The following MCU variants were observed in gnomAD, a reference collection of about 807,000 sequenced individuals.
The protein encoded by MCU is mitochondrial calcium uniporter, also known as calcium uniporter protein, mitochondrial.
Under a neutral mutation model 45.2 loss-of-function variants are expected in MCU, and 12 were observed. The ratio of observed to expected loss-of-function variants is 0.27; its 90% confidence interval spans 0.17 to 0.43. The LOEUF is 0.43. Among genes scored for constraint, MCU ranks in the 20% least tolerant of loss-of-function variants. MCU has a pLI of 1.00. For synonymous variants in MCU, 160 were observed against 165.1 expected (o/e 0.97, Z 0.24); for missense variants, 324 against 436.7 (o/e 0.74, Z 2.30).
chr10:72,717,876 A>G (rs1842973646), intron 1 of MCU, among the ~76,000 whole-genome samples: 1 of 152,230 alleles, frequency 6.6e-6, no homozygotes, highest in African/African-American at 2.4e-5. Context: ...GACTTTTAAA[A>G]ATAAATTTTA....
At chr10:72,836,795 A>G (rs1844961992) in intron 2 of MCU, among the ~76,000 whole-genome samples, 1 of 152,196 alleles carries the variant, frequency 6.6e-6, no homozygotes, top group South Asian at 2.1e-4. Flanking sequence ...TCCTTATTAT[A>G]TATCTTTCTA....
chr10:72,800,749 C>A (rs2132780408), intron 1 of MCU, among the ~76,000 whole-genome samples: 2 of 152,260 alleles, frequency 1.3e-5, no homozygotes, highest in South Asian at 4.1e-4. Flanking sequence ...TCTTTTTTAA[C>A]CTTGCCGTCA....
intron 1 of MCU, among the ~76,000 whole-genome samples, chr10:72,785,683 G>A (rs1383671357): frequency 6.6e-6 from 1 of 152,150 alleles, no homozygotes. Flanking sequence ...CACTTCATCT[G>A]TAACTTGTAT....
At chr10:72,694,244 A>C (rs1343306295) in intron 1 of MCU, among the ~76,000 whole-genome samples, 1 of 152,200 alleles carries the variant, frequency 6.6e-6, no homozygotes, top group Admixed American at 6.5e-5. Context: ...ATTCTTCTGA[A>C]GCCATCATGT....
chr10:72,780,511 AGTGTGTGTGTGTGTGTGTGTGTGT>A, intron 1 of MCU, among the ~76,000 whole-genome samples: 1 of 110,658 alleles, frequency 9.0e-6, no homozygotes, highest in Non-Finnish European at 1.8e-5. Context: ...TCTTTGGCTA[AGTGTGTGTGTGTGTGTGTGTGTGT>A]GTGTGTGTGT....
chr10:72,883,545 A>C (rs892772326), intron 6 of MCU, among the ~76,000 whole-genome samples: 1 of 152,298 alleles, frequency 6.6e-6, no homozygotes, highest in Middle Eastern at 3.4e-3. Flanking sequence ...GAAACTGTTT[A>C]TCATCACTGC....
chr10:72,698,266 A>G (rs901611060), intron 1 of MCU, among the ~76,000 whole-genome samples: 2 of 152,232 alleles, frequency 1.3e-5, no homozygotes, highest in Non-Finnish European at 2.9e-5. Context: ...GTCAAAGGCA[A>G]TACATTGGTA....
chr10:72,861,500 T>G (rs1845374897), intron 4 of MCU, among the ~76,000 whole-genome samples: 1 of 151,626 alleles, frequency 6.6e-6, no homozygotes, highest in African/African-American at 2.4e-5. Flanking sequence ...GACACTGGCT[T>G]ACTGCAGCCT....
At chr10:72,806,426 C>T (rs1352277918) in intron 1 of MCU, among the ~76,000 whole-genome samples, 2 of 152,108 alleles carry the variant, frequency 1.3e-5, no homozygotes, top group Non-Finnish European at 2.9e-5. Flanking sequence ...TCCCAAAGTG[C>T]TGGAATTACA....
At chr10:72,707,575 TTAAA>T (rs968410872) in intron 1 of MCU, among the ~76,000 whole-genome samples, 26 of 151,012 alleles carry the variant, frequency 1.7e-4, no homozygotes, top group Non-Finnish European at 3.1e-4. Context: ...TCTGAGATAG[TTAAA>T]TAAATGAAGA....
intron 1 of MCU, among the ~76,000 whole-genome samples, chr10:72,718,168 T>C (rs1842977108): frequency 6.6e-6 from 1 of 152,230 alleles, no homozygotes; most frequent in Admixed American, 6.5e-5. Context: ...AAGGTTAGGC[T>C]AGTTCTGAAG....
chr10:72,835,991 C>G (rs1163010660), intron 2 of MCU, among the ~76,000 whole-genome samples: 1 of 152,142 alleles, frequency 6.6e-6, no homozygotes, highest in East Asian at 1.9e-4. Context: ...GTGGGTATCT[C>G]TCTTCCTCTT....
chr10:72,740,862 A>G (rs1843318575), intron 1 of MCU, among the ~76,000 whole-genome samples: 1 of 152,234 alleles, frequency 6.6e-6, no homozygotes, highest in African/African-American at 2.4e-5. Context: ...TGAGAGAAAA[A>G]GTTTACAATC....
At chr10:72,701,830 C>T (rs1336233601) in intron 1 of MCU, among the ~76,000 whole-genome samples, 3 of 152,050 alleles carry the variant, frequency 2.0e-5, no homozygotes, top group Non-Finnish European at 4.4e-5. Flanking sequence ...CGTGCCCGGC[C>T]CCCACTGACT....
At chr10:72,865,887 C>CTT (rs2132877442) in intron 4 of MCU, among the ~76,000 whole-genome samples, 1 of 151,806 alleles carries the variant, frequency 6.6e-6, no homozygotes, top group East Asian at 1.9e-4. Flanking sequence ...TGCCATTCTG[C>CTT]TGTCTCAGCC....
chr10:72,824,892 A>G (rs1333093005), intron 1 of MCU, among the ~76,000 whole-genome samples: 1 of 152,212 alleles, frequency 6.6e-6, no homozygotes, highest in African/African-American at 2.4e-5. Context: ...TTGATTTGAA[A>G]TTGTTTACTT....
intron 1 of MCU, among the ~76,000 whole-genome samples, chr10:72,777,293 A>G (rs1453406950): frequency 6.6e-6 from 1 of 152,202 alleles, no homozygotes; most frequent in Admixed American, 6.5e-5. Context: ...CCTGACATCA[A>G]AATTTACTCT....
intron 1 of MCU, among the ~76,000 whole-genome samples, chr10:72,707,278 A>G (rs1455223283): frequency 2.7e-5 from 4 of 146,256 alleles, no homozygotes; most frequent in Non-Finnish European, 6.0e-5. Context: ...GGCTCACTGC[A>G]ACCTCTGCCT....
intron 2 of MCU, among the ~76,000 whole-genome samples, chr10:72,835,923 A>G (rs73286796): frequency 0.019 from 2,894 of 152,170 alleles, 107 homozygotes; most frequent in African/African-American, 0.066. Flanking sequence ...GAGGACCATA[A>G]TGCCACCTGG....
Sources: allele counts gnomAD v4.1 joint callset (sites outside exome capture counted in the v4.1 genomes callset), GRCh38; gene constraint gnomAD v4.1.1; transcripts MANE v1.5; gene names NCBI Gene and HGNC (gene_info 2026-07-23, HGNC 2026-07-21).